R3HDM4: variants seen among roughly 807,000 people sequenced by gnomAD.
The protein encoded by R3HDM4 is R3H domain-containing protein 4.
R3HDM4 carries 30 observed loss-of-function variants against 31.3 expected under a neutral mutation model. That is an observed-to-expected ratio of 0.96 (90% CI 0.72 to 1.30). The LOEUF (loss-of-function observed/expected upper bound fraction) is 1.30. Among genes scored for constraint, R3HDM4 ranks in the 50% most tolerant of loss-of-function variants. R3HDM4 has a pLI of 0.00. For missense variants in R3HDM4, 444 were observed against 366.1 expected, an observed-to-expected ratio of 1.21 and a Z score of -1.74; for synonymous variants, 196 against 156.6, an observed-to-expected ratio of 1.25 and a Z score of -1.88.
At chr19:910,010 C>T (rs1223515531) in intron 1 of R3HDM4, among the ~76,000 whole-genome samples, 2 of 152,062 alleles carry the variant, frequency 1.3e-5, no homozygotes, top group African/African-American at 4.8e-5. Flanking sequence ...CATAGTAAGA[C>T]CCTCGTCTCT....
chr19:900,506 T>C (rs1449642072), intron 4 of R3HDM4, among the ~76,000 whole-genome samples: 2 of 146,778 alleles, frequency 1.4e-5, no homozygotes, highest in Non-Finnish European at 3.0e-5. Context: ...CCCATCCATA[T>C]CCTACCTACC....
In R3HDM4 at chr19:907,855, T is replaced by C. The variant is rs993273589; in HGVS notation, c.71+5232A>G. On this transcript the variant is annotated intron_variant, in intron 1 of 7. Coordinates refer to ENST00000361574, the MANE Select transcript of R3HDM4 (RefSeq NM_138774.4). The surrounding 1 kb of genome is among the most constrained non-coding windows in gnomAD (Gnocchi z 4.1). ...GGGTCTCTAGTGCTGAGCTGAGCAC[T>C]GGAAATCGAGTCCCACCATCAGATG... Among the ~76,000 whole-genome samples, 1 of 152,198 alleles carries C rather than the reference T, an allele frequency of 6.6e-6. No individual in the cohort carries two copies. The highest frequency in any genetic ancestry group is 1.5e-5 in the Non-Finnish European group (1 of 68,042).
intron 1 of R3HDM4, chr19:902,402 G>A (rs1001334364): frequency 1.0e-4 from 48 of 457,972 alleles, no homozygotes; most frequent in Non-Finnish European, 1.8e-4. Context: ...TTGAGCTCAG[G>A]GGTTCAAGAC....
At chr19:908,559 G>A (rs1015470056) in intron 1 of R3HDM4, among the ~76,000 whole-genome samples, 1 of 152,058 alleles carries the variant, frequency 6.6e-6, no homozygotes, top group Non-Finnish European at 1.5e-5. Context: ...GCAGTGAGCC[G>A]AGATCACAAC....
intron 1 of R3HDM4, among the ~76,000 whole-genome samples, chr19:912,648 C>T (rs1379961332): frequency 1.8e-5 from 1 of 56,622 alleles, no homozygotes; most frequent in Non-Finnish European, 3.5e-5. Context: ...AGTGGGGGCA[C>T]GGACCGAGGA....
Position 900,153 on chromosome 19 carries a change from G to T in R3HDM4, c.476-7C>A. ...GGTGTATAGGCGGGGTCCTCTGCAGGAGTGGGGGAACAAGGGGCAGTCTTG... is the reference window on the plus strand; with the variant it reads ...GGTGTATAGGCGGGGTCCTCTGCAGTAGTGGGGGAACAAGGGGCAGTCTTG... On this transcript the variant is annotated splice_region_variant and splice_polypyrimidine_tract_variant and intron_variant, in intron 4 of 7. Transcript: ENST00000361574. 1 of 1,556,772 alleles carries T rather than the reference G, an allele frequency of 6.4e-7. No homozygotes were observed. The highest frequency in any genetic ancestry group is 8.7e-7 in the Non-Finnish European group (1 of 1,152,306).
At chr19:909,067 G>C (rs575399279) in intron 1 of R3HDM4, among the ~76,000 whole-genome samples, 20 of 152,316 alleles carry the variant, frequency 1.3e-4, no homozygotes, top group African/African-American at 4.8e-4. Flanking sequence ...AGGACCCAGC[G>C]GGGGTATCTG....
At position 907,437 on chromosome 19, in the gene R3HDM4, C is replaced by T. The variant is rs910412894; in HGVS notation, c.72-5307G>A. Among the ~76,000 whole-genome samples, 7 of 152,046 alleles carry T rather than the reference C, an allele frequency of 4.6e-5. No homozygotes were observed. Among genetic ancestry groups the T allele is most frequent in the East Asian group, 1.9e-4 (1 of 5,178 alleles). On this transcript the variant is annotated intron_variant, in intron 1 of 7. Transcript: ENST00000361574. The surrounding 1 kb of genome is among the most constrained non-coding windows in gnomAD (Gnocchi z 4.1). ...AGAAGTGACATCCGAGGGGAGCCCT[C>T]GGGGAAGTCAGAGGGGGCGGGGCTC...
At chr19:906,718 T>C (rs995358865) in intron 1 of R3HDM4, among the ~76,000 whole-genome samples, 10 of 152,192 alleles carry the variant, frequency 6.6e-5, no homozygotes, top group Non-Finnish European at 1.3e-4. Flanking sequence ...ACTGAGTATT[T>C]TCCCCACATT....
At chr19:901,768 G>GGGCCCCCC in intron 2 of R3HDM4, 1 of 727,292 alleles carries the variant, frequency 1.4e-6, no homozygotes, top group Non-Finnish European at 2.2e-6. Context: ...TGCCCGGGGC[G>GGGCCCCCC]CCCTCCCACC....
chr19:908,557 C>T (rs2036933808), intron 1 of R3HDM4, among the ~76,000 whole-genome samples: 1 of 152,046 alleles, frequency 6.6e-6, no homozygotes, highest in Admixed American at 6.6e-5. Context: ...CTGCAGTGAG[C>T]CGAGATCACA....
chr19:897,790 T>G (rs1406721602), intron 7 of R3HDM4, among the ~76,000 whole-genome samples: 1 of 152,212 alleles, frequency 6.6e-6, no homozygotes, highest in Non-Finnish European at 1.5e-5. Flanking sequence ...CATTCCACTG[T>G]GCGGATGGGG....
At chr19:900,212 C>T (rs2036809348) in intron 4 of R3HDM4, 66 bp from the exon 5 acceptor site, 3 of 1,319,678 alleles carry the variant, frequency 2.3e-6, no homozygotes, top group East Asian at 5.0e-5. Context: ...ACCTGCCAGA[C>T]CACGCCCACC....
rs1185727851 is a variant in R3HDM4 at position 901,522 on chromosome 19, T to C, written c.251A>G (p.Glu84Gly). The C allele has an allele frequency of 2.5e-6, 4 of 1,607,370 alleles. No individual in the cohort carries two copies. Among genetic ancestry groups the C allele is most frequent in the Middle Eastern group, 1.7e-4 (1 of 6,016 alleles). Residue 84 changes from glutamate (E) to glycine (G), a missense_variant, in exon 3 of 8, where the codon GAG (glutamate) becomes GGG (glycine). By Grantham distance (98) the Glu-to-Gly change is moderately conservative (BLOSUM62 -2). Coordinates refer to ENST00000361574, the MANE Select transcript of R3HDM4 (RefSeq NM_138774.4). ...CAGGCCAGGCAGGCCCCCGTCTGTC[T>C]CCAGCAGGGTCAGGAGGTACTGGGC... ...ENTQYLLTLL[E>G]TDGGLPGLED...
intron 4 of R3HDM4, among the ~76,000 whole-genome samples, 172 bp downstream of exon 4, chr19:900,657 C>A (rs1471758241): frequency 7.5e-6 from 1 of 132,576 alleles, no homozygotes; most frequent in Non-Finnish European, 1.6e-5. Context: ...CACCCCAGGC[C>A]TCGCCCCCAT....
chr19:903,616 G>T (rs1242697586), intron 1 of R3HDM4, among the ~76,000 whole-genome samples: 1 of 152,236 alleles, frequency 6.6e-6, no homozygotes. Flanking sequence ...CACACAAACT[G>T]GGCGTGGGAG....
At position 896,996 on chromosome 19, in the gene R3HDM4, G is replaced by A. The variant is rs2036746612; in HGVS notation, c.*441C>T. 6.3e-6 allele frequency: 1 copy of A among 159,498 alleles called. No homozygotes were observed. Among genetic ancestry groups the A allele is most frequent in the Non-Finnish European group, 1.4e-5 (1 of 72,444 alleles). 9.9% of individuals were successfully genotyped at this position (159,498 alleles called of 1,614,324 possible). On this transcript the variant is annotated 3_prime_UTR_variant, in exon 8 of 8. Coordinates refer to ENST00000361574, the MANE Select transcript of R3HDM4 (RefSeq NM_138774.4). This position sits in a 1 kb window ranked among gnomAD's most constrained non-coding sequence, Gnocchi z 4.0. Reference sequence around the variant, plus strand: ...AACTGGGAGGGGCTGAGCAGGGGCTGGGACCAAGACCCATGTTTTACCAGT... The same window carrying A: ...AACTGGGAGGGGCTGAGCAGGGGCTAGGACCAAGACCCATGTTTTACCAGT...
At chr19:905,203 G>C (rs2036887092) in intron 1 of R3HDM4, among the ~76,000 whole-genome samples, 1 of 148,674 alleles carries the variant, frequency 6.7e-6, no homozygotes, top group Non-Finnish European at 1.5e-5. Flanking sequence ...GCGAGACTTG[G>C]CCTCAAAAAA....
chr19:909,922 C>T (rs1280061015), intron 1 of R3HDM4, among the ~76,000 whole-genome samples: 2 of 152,062 alleles, frequency 1.3e-5, no homozygotes, highest in Admixed American at 6.6e-5. Flanking sequence ...CAGTGGCTCA[C>T]GCCTGTAATC....
Sources: allele counts gnomAD v4.1 joint callset (sites outside exome capture counted in the v4.1 genomes callset), GRCh38; gene constraint gnomAD v4.1.1; non-coding constraint Gnocchi (gnomAD v3.1); transcripts MANE v1.5; gene names NCBI Gene and HGNC (gene_info 2026-07-23, HGNC 2026-07-21).